The following LYRM4 variants were observed in gnomAD, a reference collection of about 807,000 sequenced individuals.
LYRM4 encodes LYR motif containing 4, also known as LYR motif-containing protein 4.
A neutral mutation model predicts 11.7 loss-of-function variants in LYRM4; 9 were observed. That is an observed-to-expected ratio of 0.77 (90% CI 0.46 to 1.34). The LOEUF (loss-of-function observed/expected upper bound fraction) is 1.34, where lower values mean the gene tolerates loss of function less well. Among genes scored for constraint, LYRM4 ranks in the 40% most tolerant of loss-of-function variants. The probability of loss-of-function intolerance (pLI) is 0.00; values close to 1 mark genes in which losing one functional copy is unlikely to be tolerated. For synonymous variants in LYRM4, 42 were observed against 40.4 expected (o/e 1.04, Z -0.15); for missense variants, 133 against 112.5 (o/e 1.18, Z -0.82).
intron 1 of LYRM4, among the ~76,000 whole-genome samples, chr6:5,217,644 T>G (rs925301835): frequency 1.3e-5 from 2 of 152,262 alleles, no homozygotes; most frequent in African/African-American, 4.8e-5. Context: ...TCTTAACACT[T>G]GTTATGCCTT....
intron 1 of LYRM4, among the ~76,000 whole-genome samples, chr6:5,240,076 C>T (rs1022482394): frequency 2.0e-5 from 3 of 152,090 alleles, no homozygotes; most frequent in African/African-American, 7.2e-5. Flanking sequence ...CTCAAAACAC[C>T]ACAGGCTTCG....
intron 1 of LYRM4, among the ~76,000 whole-genome samples, chr6:5,224,176 T>C (rs1033898905): frequency 1.3e-5 from 2 of 152,208 alleles, no homozygotes; most frequent in African/African-American, 4.8e-5. Flanking sequence ...TCACAAAATA[T>C]TAATATCCTT....
intron 2 of LYRM4, among the ~76,000 whole-genome samples, chr6:5,115,861 G>A (rs558628083): frequency 6.6e-6 from 1 of 152,284 alleles, no homozygotes; most frequent in Non-Finnish European, 1.5e-5. Context: ...AGAGATGCGT[G>A]TCTGTCTGAT....
the LYRM4 span, chr6:5,067,090 C>A: frequency 0.67 from 191,151 of 286,610 alleles, 66,791 homozygotes; most frequent in African/African-American, 0.93. Context: ...ATGCACTTGG[C>A]GGAAAAATTA....
chr6:5,044,061 C>A, the LYRM4 span, among the ~76,000 whole-genome samples: 1 of 152,188 alleles, frequency 6.6e-6, no homozygotes, highest in African/African-American at 2.4e-5. Context: ...CTAATCCTCT[C>A]CGTTGGCCTT....
At chr6:5,141,309 C>T (rs990572579) in intron 2 of LYRM4, among the ~76,000 whole-genome samples, 5 of 152,176 alleles carry the variant, frequency 3.3e-5, no homozygotes, top group Admixed American at 6.5e-5. Flanking sequence ...ATCAATAACT[C>T]GCCCTCTGTC....
chr6:5,183,078 T>C (rs958410821), intron 2 of LYRM4, among the ~76,000 whole-genome samples: 2 of 152,194 alleles, frequency 1.3e-5, no homozygotes, highest in African/African-American at 4.8e-5. Context: ...CCCACTTTCC[T>C]CTCTCCAGGG....
At chr6:5,148,215 C>T (rs1208253333) in intron 2 of LYRM4, 2 of 148,556 alleles carry the variant, frequency 1.3e-5, no homozygotes, top group Non-Finnish European at 3.0e-5. Flanking sequence ...GTTTGTTGAA[C>T]ATTGGCTCCC....
At chr6:5,242,654 G>A (rs911910281) in intron 1 of LYRM4, among the ~76,000 whole-genome samples, 5 of 151,688 alleles carry the variant, frequency 3.3e-5, no homozygotes, top group Admixed American at 6.5e-5. Context: ...TGGAGGCAGA[G>A]GCTGCAATGA....
At chr6:5,070,257 C>G in the LYRM4 span, among the ~76,000 whole-genome samples, 1 of 152,150 alleles carries the variant, frequency 6.6e-6, no homozygotes, top group Non-Finnish European at 1.5e-5. Flanking sequence ...GACACAGTCC[C>G]TCTTCTGCAA....
chr6:5,092,683 G>A, the LYRM4 span, among the ~76,000 whole-genome samples: 5 of 151,604 alleles, frequency 3.3e-5, no homozygotes, highest in Admixed American at 1.3e-4. Context: ...GTGCCACTGC[G>A]CTCTGGCCTG....
intron 2 of LYRM4, among the ~76,000 whole-genome samples, chr6:5,112,614 G>T (rs1762934205): frequency 6.6e-6 from 1 of 152,216 alleles, no homozygotes; most frequent in Non-Finnish European, 1.5e-5. Context: ...ACTTTCAGAT[G>T]TGATCAATGG....
chr6:5,179,661 C>T (rs950020363), intron 2 of LYRM4, among the ~76,000 whole-genome samples: 1 of 152,176 alleles, frequency 6.6e-6, no homozygotes, highest in Non-Finnish European at 1.5e-5. Context: ...TTTGTTTACC[C>T]ATTCATCCAT....
intron 1 of LYRM4, among the ~76,000 whole-genome samples, chr6:5,220,804 G>A (rs1346500183): frequency 6.6e-6 from 1 of 152,094 alleles, no homozygotes; most frequent in African/African-American, 2.4e-5. Flanking sequence ...TGTCTAAAGA[G>A]CACTCATTGC....
chr6:5,168,844 A>G (rs1759246992), intron 2 of LYRM4, among the ~76,000 whole-genome samples: 3 of 152,168 alleles, frequency 2.0e-5, no homozygotes, highest in Admixed American at 2.0e-4. Context: ...AAGTCTCATT[A>G]CATGTGCGAT....
chr6:5,194,640 G>A (rs1339874969), intron 2 of LYRM4, among the ~76,000 whole-genome samples: 1 of 152,240 alleles, frequency 6.6e-6, no homozygotes, highest in Non-Finnish European at 1.5e-5. Context: ...CAGTAGAAGT[G>A]AAAGCGTCTT....
intron 2 of LYRM4, among the ~76,000 whole-genome samples, chr6:5,127,794 G>C (rs1346162733): frequency 6.6e-6 from 1 of 152,180 alleles, no homozygotes; most frequent in Non-Finnish European, 1.5e-5. Context: ...TTTTCTAATA[G>C]ACAATGTGAT....
At chr6:5,088,158 G>C in the LYRM4 span, 1 of 152,248 alleles carries the variant, frequency 6.6e-6, no homozygotes, top group South Asian at 2.1e-4. Flanking sequence ...TGCAATGTGC[G>C]ATCTTGGCTC....
At chr6:5,113,240 C>G (rs1410663167) in intron 2 of LYRM4, 1 of 388,470 alleles carries the variant, frequency 2.6e-6, no homozygotes, top group East Asian at 8.4e-5. Context: ...TGAGACCAGC[C>G]TGACCAACAC....
Sources: allele counts gnomAD v4.1 joint callset (sites outside exome capture counted in the v4.1 genomes callset), GRCh38; gene constraint gnomAD v4.1.1; transcripts MANE v1.5; gene names NCBI Gene and HGNC (gene_info 2026-07-23, HGNC 2026-07-21).